The following UST variants were observed in gnomAD, a reference collection of about 807,000 sequenced individuals.
The protein encoded by UST is chondroitin sulfate 2-O-sulfotransferase.
A neutral mutation model predicts 45.6 loss-of-function variants in UST; 21 were observed. The observed-to-expected ratio is 0.46, with a 90% CI of 0.33 to 0.66. The LOEUF is 0.66. Among genes scored for constraint, UST ranks in the 30% least tolerant of loss-of-function variants. The pLI, the probability that UST is intolerant of heterozygous loss-of-function variation, is 0.02. For synonymous variants in UST, 215 were observed against 200.6 expected, an observed-to-expected ratio of 1.07 and a Z score of -0.61; for missense variants, 463 against 512.4, an observed-to-expected ratio of 0.90 and a Z score of 0.93.
At chr6:149,054,916 G>A (rs942362985) in intron 7 of UST, among the ~76,000 whole-genome samples, 7 of 152,106 alleles carry the variant, frequency 4.6e-5, no homozygotes, top group East Asian at 1.9e-4. Context: ...AGACCTCCCC[G>A]GCTCAAGCAA....
intron 1 of UST, among the ~76,000 whole-genome samples, chr6:148,861,286 G>A (rs1245667048): frequency 6.6e-6 from 1 of 152,190 alleles, no homozygotes; most frequent in East Asian, 1.9e-4. Context: ...TATTTGCGTA[G>A]AGGTGTTTAT....
At chr6:149,039,154 A>C (rs978610615) in intron 7 of UST, among the ~76,000 whole-genome samples, 6 of 152,200 alleles carry the variant, frequency 3.9e-5, no homozygotes, top group African/African-American at 1.2e-4. Flanking sequence ...CGTGCATTAC[A>C]GAGAGCCACA....
intron 2 of UST, among the ~76,000 whole-genome samples, chr6:148,912,002 GC>G (rs1562297326): frequency 6.6e-6 from 1 of 152,154 alleles, no homozygotes; most frequent in East Asian, 1.9e-4. Context: ...TTCAAGACCA[GC>G]CTGATCAACA....
chr6:148,889,909 A>G (rs1046662750), intron 2 of UST, among the ~76,000 whole-genome samples: 1 of 134,896 alleles, frequency 7.4e-6, no homozygotes, highest in African/African-American at 2.8e-5. Context: ...CAACTCCCCC[A>G]TATCTCCCCC....
chr6:148,806,313 G>A (rs1777144873), intron 1 of UST, among the ~76,000 whole-genome samples: 1 of 152,116 alleles, frequency 6.6e-6, no homozygotes. Context: ...GCTTAGTCTT[G>A]AAACTTAGAA....
chr6:148,787,613 C>G (rs570095556), intron 1 of UST, among the ~76,000 whole-genome samples: 1 of 152,250 alleles, frequency 6.6e-6, no homozygotes, highest in Admixed American at 6.5e-5. Context: ...AGTTTGAAGT[C>G]GGGTAGCATG....
intron 5 of UST, chr6:149,005,736 A>G (rs1654107301): frequency 3.3e-6 from 2 of 612,806 alleles, no homozygotes; most frequent in Admixed American, 1.3e-4. Flanking sequence ...TGTGTGCATT[A>G]ATTTATGAAC....
chr6:148,945,198 G>A (rs1203785378), intron 3 of UST, among the ~76,000 whole-genome samples: 1 of 152,132 alleles, frequency 6.6e-6, no homozygotes, highest in Admixed American at 6.5e-5. Flanking sequence ...TGAACTTTTT[G>A]GACCTAAAAA....
chr6:149,046,881 G>A (rs984070394), intron 7 of UST, among the ~76,000 whole-genome samples: 1 of 152,202 alleles, frequency 6.6e-6, no homozygotes, highest in Non-Finnish European at 1.5e-5. Flanking sequence ...CTTGTGAAGT[G>A]TGGCATGAGG....
At chr6:149,005,569 A>G (rs759817339) in intron 5 of UST, 13 of 985,318 alleles carry the variant, frequency 1.3e-5, no homozygotes, top group Non-Finnish European at 1.6e-5. Flanking sequence ...TTACCGAATA[A>G]AATGATTGGT....
chr6:149,060,858 G>C (rs1016793249), intron 7 of UST, among the ~76,000 whole-genome samples: 8 of 152,216 alleles, frequency 5.3e-5, no homozygotes, highest in African/African-American at 1.9e-4. Flanking sequence ...TGAAGCTGTA[G>C]AACTGGTGCC....
intron 7 of UST, among the ~76,000 whole-genome samples, chr6:149,049,699 G>A (rs775571442): frequency 8.5e-5 from 13 of 152,136 alleles, no homozygotes; most frequent in African/African-American, 1.4e-4. Context: ...TCCTGCACCC[G>A]CAGCAACACT....
intron 2 of UST, among the ~76,000 whole-genome samples, chr6:148,929,122 G>A (rs763633550): frequency 5.3e-5 from 8 of 152,178 alleles, no homozygotes; most frequent in Non-Finnish European, 8.8e-5. Flanking sequence ...GAAGAATCAA[G>A]AACAACAGGG....
chr6:148,754,055 C>T (rs6908824), intron 1 of UST, among the ~76,000 whole-genome samples: 54,024 of 149,300 alleles, frequency 0.36, 9,822 homozygotes, highest in South Asian at 0.42. Context: ...AGTGCAGTGG[C>T]GCGATCTCAG....
intron 1 of UST, among the ~76,000 whole-genome samples, chr6:148,867,285 TACAC>T (rs58093813): frequency 0.27 from 37,230 of 136,528 alleles, 5,418 homozygotes; most frequent in Non-Finnish European, 0.36. Flanking sequence ...CATTGTTGAA[TACAC>T]ACACACACAC....
At chr6:148,991,535 G>T (rs1049670794) in intron 5 of UST, among the ~76,000 whole-genome samples, 7 of 105,736 alleles carry the variant, frequency 6.6e-5, no homozygotes, top group Admixed American at 2.9e-4. Flanking sequence ...GACAGGCCCC[G>T]GTGTGTGATG....
At chr6:149,051,919 G>T (rs1776493759) in intron 7 of UST, among the ~76,000 whole-genome samples, 1 of 152,132 alleles carries the variant, frequency 6.6e-6, no homozygotes. Context: ...ACTCTATTAG[G>T]GAGGGGAAAA....
At chr6:148,964,044 G>A (rs1780725036) in intron 4 of UST, among the ~76,000 whole-genome samples, 1 of 152,148 alleles carries the variant, frequency 6.6e-6, no homozygotes, top group Non-Finnish European at 1.5e-5. Context: ...TTCTGTTCTA[G>A]CCATTGGAAA....
intron 1 of UST, among the ~76,000 whole-genome samples, chr6:148,840,667 C>T (rs925291462): frequency 1.3e-5 from 2 of 152,118 alleles, no homozygotes; most frequent in East Asian, 3.9e-4. Context: ...ATTTTCAATC[C>T]GTGTCTGGTT....
Sources: allele counts gnomAD v4.1 joint callset (sites outside exome capture counted in the v4.1 genomes callset), GRCh38; gene constraint gnomAD v4.1.1; transcripts MANE v1.5; gene names NCBI Gene and HGNC (gene_info 2026-07-23, HGNC 2026-07-21).